The following PTCH2 variants were observed in gnomAD, a reference collection of about 807,000 sequenced individuals.
PTCH2 encodes the protein protein patched homolog 2.
Under a neutral mutation model 117.9 loss-of-function variants are expected in PTCH2, and 96 were observed. The observed-to-expected ratio is 0.81, with a 90% confidence interval of 0.69 to 0.96. The LOEUF is 0.96. PTCH2 is among the 50% of genes least tolerant of loss of function. PTCH2 has a pLI of 0.00. For synonymous variants in PTCH2, 615 were observed against 660.9 expected (o/e 0.93, Z 1.06); for missense variants, 1,379 against 1,562.5 (o/e 0.88, Z 1.98).
intron 2 of PTCH2, among the ~76,000 whole-genome samples, chr1:44,835,490 T>C (rs1275643725): frequency 6.6e-6 from 1 of 152,170 alleles, no homozygotes; most frequent in Admixed American, 6.5e-5. Flanking sequence ...AGCAAAAATT[T>C]TAAAATTGAT....
Position 44,831,257 on chromosome 1 carries a change from C to T in PTCH2, c.618-214G>A, listed in dbSNP as rs767758055. ...TGTAGAAGAGTACAAGGGGCTGAGA[C>T]GAATATCAGGGCAGGGTTACCTAAT... On this transcript the variant is annotated intron_variant, in intron 5 of 21. Transcript: ENST00000372192. The surrounding 1 kb of genome is among the most constrained non-coding windows in gnomAD (Gnocchi z 4.3). 7.2e-5 allele frequency among the ~76,000 whole-genome samples: 11 copies of T among 152,132 alleles called. No individual in the cohort carries two copies. The highest frequency in any genetic ancestry group is 1.9e-4 in the African/African-American group (8 of 41,412).
chr1:44,821,191 C>G (rs2148870327), downstream of PTCH2, among the ~76,000 whole-genome samples: 1 of 152,190 alleles, frequency 6.6e-6, no homozygotes, highest in South Asian at 2.1e-4. Flanking sequence ...AGTTGCAAAC[C>G]TCCCCACGCC....
In PTCH2 at chr1:44,822,375, C is replaced by A. The variant is rs1652943164; in HGVS notation, c.*40G>T. On this transcript the variant is annotated 3_prime_UTR_variant, in exon 22 of 22. Coordinates refer to ENST00000372192, the MANE Select transcript of PTCH2 (RefSeq NM_003738.5). ...CAGACCCAGTGCTTCCCAGTGACCCCACACGCCCCACACATGGTCTCTGTG... is the reference window on the plus strand; with the variant it reads ...CAGACCCAGTGCTTCCCAGTGACCCAACACGCCCCACACATGGTCTCTGTG... The A allele has an allele frequency of 6.2e-7, 1 of 1,612,352 alleles. No individual in the cohort carries two copies.
chr1:44,822,948 C>T, intron 21 of PTCH2, 121 bp downstream of exon 21: 3 of 1,139,408 alleles, frequency 2.6e-6, no homozygotes, highest in Non-Finnish European at 3.8e-6. Flanking sequence ...CCACCTTCAG[C>T]TGGTGGCACC....
In PTCH2 at chr1:44,843,022, C is replaced by G; in HGVS notation, c.-90G>C. 9.0e-6 allele frequency: 13 copies of G among 1,443,470 alleles called. No homozygotes were observed. Among genetic ancestry groups the G allele is most frequent in the Non-Finnish European group, 1.2e-5 (13 of 1,102,878 alleles). 89.4% of individuals were successfully genotyped at this position (1,443,470 alleles called of 1,614,324 possible). On this transcript the variant is annotated 5_prime_UTR_variant, in exon 1 of 22. Transcript: ENST00000372192. ...CCCGGTCTCCCGGTACCGCTGGGCC[C>G]CGCGTAGGGATTCAGTGGGGCCGCC...
At position 44,822,412 on chromosome 1, in the gene PTCH2, C is replaced by G. The variant is rs1652944640; in HGVS notation, c.*3G>C. 6.2e-7 allele frequency: 1 copy of G among 1,613,558 alleles called. No individual in the cohort carries two copies. Among genetic ancestry groups the G allele is most frequent in the Non-Finnish European group, 8.5e-7 (1 of 1,180,034 alleles). ...ACATGGTCTCTGTGCTTCAGCTGCT[C>G]TTTCACCCAGTGGCTGGACCTGGTC... is the stretch of plus-strand genomic sequence containing the variant. On this transcript the variant is annotated 3_prime_UTR_variant, in exon 22 of 22. Coordinates refer to ENST00000372192, the MANE Select transcript of PTCH2 (RefSeq NM_003738.5).
In PTCH2 at chr1:44,827,301, C is replaced by T. The variant is rs753274452; in HGVS notation, c.2380G>A (p.Ala794Thr). ...YYRNWLQGIQ[A>T]AFDQDWASGR... ...GAAGCCCAGTCCTGGTCAAAGGCAG[C>T]CTGGATTCCTGGGGGAGACCAGGAT... The change falls in exon 16 of 22, where the codon GCT (alanine) becomes ACT (threonine). Residue 794 changes from alanine to threonine, a missense_variant. Transcript: ENST00000372192. The T allele has an allele frequency of 3.1e-6, 5 of 1,613,772 alleles. No individual in the cohort carries two copies. The highest frequency in any genetic ancestry group is 4.2e-6 in the Non-Finnish European group (5 of 1,180,024).
chr1:44,831,578 C>T lies in PTCH2; in HGVS notation c.617+128G>A, dbSNP rs1047957562. 2.4e-5 allele frequency: 22 copies of T among 933,490 alleles called. No homozygotes were observed. The highest frequency in any genetic ancestry group is 3.7e-5 in the Non-Finnish European group (22 of 596,082). 57.8% of individuals were successfully genotyped at this position (933,490 alleles called of 1,614,324 possible). A position where few individuals can be genotyped will look rare whatever the true frequency, so the allele number is the denominator to read the frequency against. ...AGAGCCTTGGGGAAGCCCATGCTCT[C>T]TGTTCCTGGCCTGGGAGGTAATTAG... On this transcript the variant is annotated intron_variant, in intron 5 of 21. Transcript: ENST00000372192. The surrounding 1 kb of genome is among the most constrained non-coding windows in gnomAD (Gnocchi z 4.3).
At position 44,823,358 on chromosome 1, in the gene PTCH2, T is replaced by C. The variant is rs1166710225; in HGVS notation, c.3142A>G (p.Asn1048Asp). The C allele has an allele frequency of 1.2e-6, 2 of 1,614,222 alleles. No homozygotes were observed. Among genetic ancestry groups the C allele is most frequent in the Non-Finnish European group, 1.7e-6 (2 of 1,180,052 alleles). Residue 1048 changes from asparagine (N) to aspartate (D), a missense_variant, in exon 20 of 22, where the codon AAC (asparagine) becomes GAC (aspartate). Physicochemically the swap from Asn to Asp is conservative, Grantham distance 23. Coordinates refer to ENST00000372192, the MANE Select transcript of PTCH2 (RefSeq NM_003738.5). This position sits in a 1 kb window ranked among gnomAD's most constrained non-coding sequence, Gnocchi z 5.1. ...LGFLTTQGSR[N>D]LRAAHALEHT... ...TCAAGGGCATGGGCGGCCCGCAGGT[T>C]CCGGCTGCCCTGGGTGGTCAGGAAG...
At chr1:44,824,504 T>G (rs1035052356) in intron 19 of PTCH2, among the ~76,000 whole-genome samples, 5 of 151,456 alleles carry the variant, frequency 3.3e-5, no homozygotes, top group Admixed American at 2.0e-4. Context: ...CATCCCATTT[T>G]TTTTTTTTTT....
At chr1:44,830,548 C>T (rs1041838679) in intron 6 of PTCH2, among the ~76,000 whole-genome samples, 1 of 134,428 alleles carries the variant, frequency 7.4e-6, no homozygotes, top group Non-Finnish European at 1.5e-5. Flanking sequence ...GAGCCAAGAT[C>T]GAACTACTGC....
Position 44,831,911 on chromosome 1 carries a change from C to A in PTCH2, c.525+64G>T. On this transcript the variant is annotated intron_variant, in intron 4 of 21. Transcript: ENST00000372192. This position sits in a 1 kb window ranked among gnomAD's most constrained non-coding sequence, Gnocchi z 4.3. ...CAGATTGCAGGCTGTGGGGCTTGCT[C>A]GGTCTCTGAGTCCTCCCACGCTACA... 2 of 1,573,514 alleles carry A rather than the reference C, an allele frequency of 1.3e-6. No individual in the cohort carries two copies. The highest frequency in any genetic ancestry group is 1.7e-5 in the Admixed American group (1 of 59,948).
rs1271062837 is a variant in PTCH2, at chr1:44,829,208, G to T, written c.1320C>A (p.Gly440=). The part of the protein sequence containing the change: ...VLLVALAVAS[G]LGLCALLGIT... ...TGCCGAGCAGGGCACAGAGCCCAAG[G>T]CCTGAGGCCACCGCCAGGGCCACCA... Residue 440 remains glycine, a synonymous_variant, in exon 10 of 22, where the codon GGC becomes GGA. Coordinates refer to ENST00000372192, the MANE Select transcript of PTCH2 (RefSeq NM_003738.5). 1.2e-6 allele frequency: 2 copies of T among 1,613,564 alleles called. No homozygotes were observed. The highest frequency in any genetic ancestry group is 1.7e-6 in the Non-Finnish European group (2 of 1,180,024).
intron 2 of PTCH2, among the ~76,000 whole-genome samples, chr1:44,833,148 G>A (rs1028569400): frequency 3.3e-5 from 5 of 152,100 alleles, no homozygotes; most frequent in African/African-American, 4.8e-5. Context: ...GGATCTTAGC[G>A]CCCCTCCAGT....
At position 44,823,084 on chromosome 1, in the gene PTCH2, C is replaced by A. The variant is rs368423388; in HGVS notation, c.3342G>T (p.Leu1114=). The change falls in exon 21 of 22, where the codon CTG becomes CTT. Residue 1114 remains leucine, a synonymous_variant. Coordinates refer to ENST00000372192, the MANE Select transcript of PTCH2 (RefSeq NM_003738.5). This position sits in a 1 kb window ranked among gnomAD's most constrained non-coding sequence, Gnocchi z 5.1. The part of the protein sequence containing the change: ...LVLLPVLLSI[L]GPPPEVIQMY... ...GTGTGGTCACCTCTGGCGGCGGGCC[C>A]AGGATGGACAGCAGCACAGGCAGCA... 6.2e-7 allele frequency: 1 copy of A among 1,613,540 alleles called. No individual in the cohort carries two copies. The highest frequency in any genetic ancestry group is 8.5e-7 in the Non-Finnish European group (1 of 1,179,890).
chr1:44,827,147 C>A lies in PTCH2; in HGVS notation c.2514+20G>T. ...GCCTGCAGCCCCTGTACTAGTGGAC[C>A]CCTCCAGCCCTCTCCCAACCTGGCT... is the stretch of plus-strand genomic sequence containing the variant. On this transcript the variant is annotated intron_variant, in intron 16 of 21. Transcript: ENST00000372192. The A allele has an allele frequency of 1.9e-6, 3 of 1,614,028 alleles. No individual in the cohort carries two copies. Among genetic ancestry groups the A allele is most frequent in the Non-Finnish European group, 2.5e-6 (3 of 1,179,988 alleles).
downstream of PTCH2, chr1:44,819,880 T>A (rs142939610): frequency 2.0e-5 from 3 of 153,052 alleles, no homozygotes; most frequent in Non-Finnish European, 2.9e-5. Flanking sequence ...TACTTAAAAA[T>A]GTAGCCTCAG....
In PTCH2 at chr1:44,822,559, C is replaced by T. The variant is rs754219487; in HGVS notation, c.3468G>A (p.Val1156=). The T allele has an allele frequency of 1.2e-6, 2 of 1,613,952 alleles. No homozygotes were observed. Among genetic ancestry groups the T allele is most frequent in the South Asian group, 1.1e-5 (1 of 91,086 alleles). ...SSSLPQSFAR[V]TTSMTVAIHP... ...GGATGGCCACGGTCATGGAGGTAGTCACTCTGGCAAAGCTCTGGGGCAGGG... is the reference window on the plus strand; with the variant it reads ...GGATGGCCACGGTCATGGAGGTAGTTACTCTGGCAAAGCTCTGGGGCAGGG... Residue 1156 remains valine, a synonymous_variant, in exon 22 of 22, where the codon GTG becomes GTA. Coordinates refer to ENST00000372192, the MANE Select transcript of PTCH2 (RefSeq NM_003738.5).
rs376282577 is a variant in PTCH2 at position 44,827,922 on chromosome 1, G to A, written c.1979C>T (p.Ser660Phe). Residue 660 changes from serine (S) to phenylalanine (F), a missense_variant, in exon 14 of 22, where the codon TCC becomes TTC. Physicochemically the swap from Ser to Phe is radical, Grantham distance 155. Transcript: ENST00000372192. The stretch of plus-strand genomic sequence containing the variant: ...AAGATTCCAGCGGGCACAGGGCAGG[G>A]ACTTGCAGGCTGCCTTCTGCCTTGT... ...EETRQKAACK[S>F]LPCARWNLAH... 2 of 1,614,092 alleles carry A rather than the reference G, an allele frequency of 1.2e-6. No individual in the cohort carries two copies. Among genetic ancestry groups the A allele is most frequent in the African/African-American group, 2.7e-5 (2 of 74,948 alleles).
Sources: gnomAD v4.1 joint callset for allele counts (sites outside exome capture counted in the v4.1 genomes callset) on GRCh38, gnomAD v4.1.1 for gene constraint, Gnocchi (gnomAD v3.1) non-coding constraint, MANE v1.5 for transcripts, NCBI Gene and HGNC (gene_info 2026-07-23, HGNC 2026-07-21) for gene names.